The following NFIA variants were observed in gnomAD, a reference collection of about 807,000 sequenced individuals.
NFIA encodes nuclear factor 1 A-type.
A neutral mutation model predicts 62.8 loss-of-function variants in NFIA; 8 were observed. The ratio of observed to expected loss-of-function variants is 0.13; its 90% CI spans 0.07 to 0.23. The LOEUF is 0.23. Among genes scored for constraint, NFIA ranks in the 10% least tolerant of loss-of-function variants. The pLI is 1.00. For missense variants in NFIA, 410 were observed against 642.1 expected, an observed-to-expected ratio of 0.64 and a Z score of 3.91; for synonymous variants, 235 against 238.1, an observed-to-expected ratio of 0.99 and a Z score of 0.12.
chr1:61,083,152 C>T (rs1298488663), intron 1 of NFIA, among the ~76,000 whole-genome samples: 1 of 152,192 alleles, frequency 6.6e-6, no homozygotes, highest in Admixed American at 6.5e-5. Context: ...TCGGACACCC[C>T]GCACGTGTTT....
intron 7 of NFIA, among the ~76,000 whole-genome samples, chr1:61,393,244 C>CTCTCTCTCT (rs1665079310): frequency 1.7e-4 from 5 of 29,102 alleles, no homozygotes; most frequent in South Asian, 1.4e-3. Context: ...TCGCCCTCTC[C>CTCTCTCTCT]CTCTCTCTCT....
intron 10 of NFIA, among the ~76,000 whole-genome samples, chr1:61,430,693 G>A (rs1311385399): frequency 6.6e-6 from 1 of 152,062 alleles, no homozygotes; most frequent in Non-Finnish European, 1.5e-5. Context: ...GACTGAAGCA[G>A]AATTGCCTTC....
At chr1:61,113,558 C>CA (rs1477638967) in intron 2 of NFIA, among the ~76,000 whole-genome samples, 1 of 136,326 alleles carries the variant, frequency 7.3e-6, no homozygotes, top group Non-Finnish European at 1.5e-5. Flanking sequence ...TGCACCATTG[C>CA]ACTCCAGCCT....
chr1:61,300,400 A>G (rs1659433729), intron 3 of NFIA, among the ~76,000 whole-genome samples: 1 of 152,140 alleles, frequency 6.6e-6, no homozygotes, highest in Non-Finnish European at 1.5e-5. Flanking sequence ...AATTTTTAAG[A>G]ACAAGGCCAT....
chr1:61,145,840 A>G lies in NFIA; in HGVS notation c.559+57160A>G, dbSNP rs146862239. On this transcript the variant is annotated intron_variant, in intron 2 of 10. Coordinates refer to ENST00000403491, the MANE Select transcript of NFIA (RefSeq NM_001134673.4). ...TGTCACATTTTCTCTCTTCTCTGAC[A>G]TGTCCTGGTGCCCTGGGTTTGTGGG... is the stretch of plus-strand genomic sequence containing the variant. Among the ~76,000 whole-genome samples the G allele has an allele frequency of 8.8e-3, 1,342 of 152,268 alleles. 15 individuals carry two copies. The highest frequency in any genetic ancestry group is 0.058 in the Middle Eastern group (17 of 294).
At chr1:61,330,280 A>G (rs1456351803) in intron 3 of NFIA, among the ~76,000 whole-genome samples, 2 of 152,110 alleles carry the variant, frequency 1.3e-5, no homozygotes, top group African/African-American at 4.8e-5. Flanking sequence ...TCATTCATCT[A>G]CTCATTCAGT....
At chr1:61,239,979 A>G (rs974044515) in intron 2 of NFIA, among the ~76,000 whole-genome samples, 1 of 152,128 alleles carries the variant, frequency 6.6e-6, no homozygotes, top group Non-Finnish European at 1.5e-5. Flanking sequence ...AATGCATTCC[A>G]AACTATTCTA....
intron 2 of NFIA, among the ~76,000 whole-genome samples, chr1:61,196,101 C>T (rs1203535192): frequency 6.6e-6 from 1 of 152,020 alleles, no homozygotes; most frequent in Non-Finnish European, 1.5e-5. Flanking sequence ...AGTCAGTTTG[C>T]TTTGTAGGTA....
chr1:61,167,178 T>G (rs978771818), intron 2 of NFIA, among the ~76,000 whole-genome samples: 1 of 152,148 alleles, frequency 6.6e-6, no homozygotes, highest in Non-Finnish European at 1.5e-5. Context: ...CATAAGACAT[T>G]TCTTATGTTC....
At chr1:61,405,591 T>G (rs1665776942) in intron 8 of NFIA, among the ~76,000 whole-genome samples, 1 of 152,114 alleles carries the variant, frequency 6.6e-6, no homozygotes, top group Admixed American at 6.5e-5. Context: ...TAGAGGCCTC[T>G]TGGGAAACAA....
chr1:61,446,391 C>T (rs1345008873), intron 10 of NFIA, among the ~76,000 whole-genome samples: 1 of 152,062 alleles, frequency 6.6e-6, no homozygotes, highest in African/African-American at 2.4e-5. Flanking sequence ...GTCTGCATGG[C>T]CTGGGAGAGA....
At chr1:61,119,473 A>C (rs1646851542) in intron 2 of NFIA, among the ~76,000 whole-genome samples, 1 of 152,186 alleles carries the variant, frequency 6.6e-6, no homozygotes, top group South Asian at 2.1e-4. Context: ...ACTGTATGGA[A>C]ATGTAAGCTA....
intron 6 of NFIA, among the ~76,000 whole-genome samples, chr1:61,374,989 G>A (rs377085870): frequency 2.6e-4 from 39 of 152,272 alleles, no homozygotes; most frequent in African/African-American, 9.4e-4. Flanking sequence ...CAAACGTGTG[G>A]TGTCTTCAAC....
At chr1:61,298,350 T>C (rs940337341) in intron 3 of NFIA, among the ~76,000 whole-genome samples, 1 of 152,170 alleles carries the variant, frequency 6.6e-6, no homozygotes, top group Non-Finnish European at 1.5e-5. Context: ...TATACCTCTT[T>C]TTTTAAAAAA....
chr1:61,280,186 T>G (rs1457818156), intron 3 of NFIA, among the ~76,000 whole-genome samples: 3 of 152,214 alleles, frequency 2.0e-5, no homozygotes, highest in Non-Finnish European at 4.4e-5. Context: ...AAGGAATAAA[T>G]GAAGATTCAG....
Position 61,426,604 on chromosome 1 carries a change from A to C in NFIA, c.1512+48A>C, listed in dbSNP as rs1666882272. On this transcript the variant is annotated intron_variant, in intron 10 of 10. Coordinates refer to ENST00000403491, the MANE Select transcript of NFIA (RefSeq NM_001134673.4). ...GTATGTGGTGCAGCTTGTATTATTC[A>C]TCAGGTGCATTTTAACTTGTCTTTT... The C allele has an allele frequency of 2.9e-6, 4 of 1,389,682 alleles. No individual in the cohort carries two copies. In the East Asian group the frequency reaches 7.7e-5, roughly 27 times the overall value. 86.1% of individuals were successfully genotyped at this position (1,389,682 alleles called of 1,614,324 possible).
chr1:61,193,560 A>C (rs1020503715), intron 2 of NFIA, among the ~76,000 whole-genome samples: 3 of 152,220 alleles, frequency 2.0e-5, no homozygotes, highest in African/African-American at 7.2e-5. Context: ...TCTGTTGGCA[A>C]AATTCATTGT....
intron 6 of NFIA, among the ~76,000 whole-genome samples, chr1:61,365,315 T>G (rs1266556069): frequency 6.6e-6 from 1 of 152,198 alleles, no homozygotes; most frequent in African/African-American, 2.4e-5. Context: ...GGCTGCTTTT[T>G]TGTTCCTTTA....
intron 2 of NFIA, among the ~76,000 whole-genome samples, chr1:61,259,371 G>A (rs980901869): frequency 3.9e-5 from 6 of 152,120 alleles, no homozygotes; most frequent in South Asian, 4.1e-4. Flanking sequence ...TCCCCTCTCT[G>A]TTCTTCCATT....
Sources: allele counts gnomAD v4.1 joint callset (sites outside exome capture counted in the v4.1 genomes callset), GRCh38; gene constraint gnomAD v4.1.1; transcripts MANE v1.5; gene names NCBI Gene and HGNC (gene_info 2026-07-23, HGNC 2026-07-21).